DOCK1: variants seen among roughly 807,000 people sequenced by gnomAD.
DOCK1 encodes the protein dedicator of cytokinesis protein 1.
A neutral mutation model predicts 262.7 loss-of-function variants in DOCK1; 138 were observed. The ratio of observed to expected loss-of-function variants is 0.53; its 90% CI spans 0.46 to 0.61. The LOEUF (loss-of-function observed/expected upper bound fraction) is 0.61. Ranked by LOEUF, DOCK1 falls within the 20% of genes least tolerant of loss-of-function variation. The pLI, the probability that DOCK1 is intolerant of heterozygous loss-of-function variation, is 0.00. For missense variants in DOCK1, 1,908 were observed against 2,370.7 expected (o/e 0.80, Z 4.05); for synonymous variants, 866 against 867.4 (o/e 1.00, Z 0.03).
chr10:126,915,673 G>A (rs1010379782), intron 1 of DOCK1, among the ~76,000 whole-genome samples: 2 of 152,126 alleles, frequency 1.3e-5, no homozygotes, highest in Non-Finnish European at 2.9e-5. Flanking sequence ...GGATGGTCTC[G>A]ATCTCCTGAC....
At chr10:127,040,023 CCA>C (rs1407764819) in intron 19 of DOCK1, among the ~76,000 whole-genome samples, 1 of 152,112 alleles carries the variant, frequency 6.6e-6, no homozygotes, top group African/African-American at 2.4e-5. Context: ...ACGTGCAGCT[CCA>C]TCTCCCTGTG....
In DOCK1 at chr10:127,413,699, G is replaced by A. The variant is rs992547456; in HGVS notation, c.4429-1453G>A. The stretch of plus-strand genomic sequence containing the variant: ...CATGTTGACATGAGAGAAAGCACTG[G>A]AATCTGGTCTAGAGGTGGATGTGAG... On this transcript the variant is annotated intron_variant, in intron 43 of 51. Transcript: ENST00000623213. Among the ~76,000 whole-genome samples the A allele has an allele frequency of 3.3e-5, 5 of 152,188 alleles. No individual in the cohort carries two copies. The East Asian group carries it at 5.8e-4, about 18-fold the overall frequency.
At chr10:127,257,790 A>C (rs530133285) in intron 29 of DOCK1, 13 of 170,186 alleles carry the variant, frequency 7.6e-5, no homozygotes, top group Non-Finnish European at 1.4e-4. Flanking sequence ...TCCATGCAAG[A>C]GGCTTTTGCA....
chr10:127,373,557 T>C (rs1426253334), intron 33 of DOCK1, among the ~76,000 whole-genome samples: 1 of 152,120 alleles, frequency 6.6e-6, no homozygotes, highest in African/African-American at 2.4e-5. Flanking sequence ...ACGTGCAGGT[T>C]CAGGCTCCAT....
In DOCK1 at chr10:127,335,907, G is replaced by A. The variant is rs192606170; in HGVS notation, c.3045-3099G>A. On this transcript the variant is annotated intron_variant, in intron 29 of 51. Coordinates refer to ENST00000623213, the MANE Select transcript of DOCK1 (RefSeq NM_001290223.2). ...TTTTTTTGTATTTTTTAGTAGAGAC[G>A]GGGTTTCACCATGTTAGCCAGGATG... 5.5e-4 allele frequency among the ~76,000 whole-genome samples: 84 copies of A among 152,060 alleles called. 1 individual carries two copies. The highest frequency in any genetic ancestry group is 1.7e-3 in the African/African-American group (71 of 41,466).
intron 1 of DOCK1, among the ~76,000 whole-genome samples, chr10:126,925,721 A>AGT (rs1564986606): frequency 1.6e-5 from 2 of 122,252 alleles, no homozygotes. Flanking sequence ...CACATTGCAG[A>AGT]GTCTGTGTGT....
At chr10:127,006,137 G>C (rs536104880) in intron 10 of DOCK1, among the ~76,000 whole-genome samples, 16 of 152,176 alleles carry the variant, frequency 1.1e-4, no homozygotes, top group Non-Finnish European at 2.2e-4. Flanking sequence ...GCCAGCCCCT[G>C]CAGCGGAGTT....
chr10:126,929,134 G>C (rs1191186972), intron 1 of DOCK1, among the ~76,000 whole-genome samples: 2 of 152,238 alleles, frequency 1.3e-5, no homozygotes, highest in Non-Finnish European at 2.9e-5. Context: ...TGCAATCCAG[G>C]ATCAGAGCCT....
chr10:126,926,952 C>T lies in DOCK1; in HGVS notation c.46+21389C>T, dbSNP rs1013112756. Among the ~76,000 whole-genome samples the T allele has an allele frequency of 1.1e-4, 16 of 152,240 alleles. No homozygotes were observed. In the East Asian group the frequency reaches 2.5e-3, roughly 24 times the overall value. ...GCTTTGGTACTTTGTGTGGCAGCCC[C>T]GGGATACTGACACAGTCGTAGAAAT... On this transcript the variant is annotated intron_variant, in intron 1 of 51. Coordinates refer to ENST00000623213, the MANE Select transcript of DOCK1 (RefSeq NM_001290223.2).
At chr10:127,379,650 C>G (rs1299992798) in intron 35 of DOCK1, among the ~76,000 whole-genome samples, 2 of 152,184 alleles carry the variant, frequency 1.3e-5, no homozygotes, top group African/African-American at 4.8e-5. Flanking sequence ...CTTTGTAGCT[C>G]TTGCTGAGGC....
In DOCK1 at chr10:127,175,822, A is replaced by G. The variant is rs1423396236; in HGVS notation, c.2847+48058A>G. ...TCCGGGCTTTTACAGGGCTCTGTGC[A>G]GTTGACCCCCAAAGGCTGGTCCACT... On this transcript the variant is annotated intron_variant, in intron 27 of 51. Transcript: ENST00000623213. The surrounding 1 kb of genome is among the most constrained non-coding windows in gnomAD (Gnocchi z 6.3). 1.9e-6 allele frequency: 3 copies of G among 1,613,922 alleles called. No individual in the cohort carries two copies. In the African/African-American group the frequency reaches 4.0e-5, roughly 22 times the overall value.
intron 49 of DOCK1, among the ~76,000 whole-genome samples, chr10:127,441,161 A>T (rs1460345580): frequency 6.6e-6 from 1 of 152,234 alleles, no homozygotes. Context: ...ATCACAGCTG[A>T]CTTGTGTGAA....
chr10:126,993,581 C>A (rs547859714), intron 6 of DOCK1, among the ~76,000 whole-genome samples: 2 of 152,320 alleles, frequency 1.3e-5, no homozygotes, highest in African/African-American at 4.8e-5. Flanking sequence ...ACTAATGAGA[C>A]CTTAAAATGC....
At chr10:126,961,918 A>G (rs974001316) in intron 1 of DOCK1, among the ~76,000 whole-genome samples, 12,429 of 152,192 alleles carry the variant, frequency 0.082, 651 homozygotes, top group African/African-American at 0.15. Context: ...CAGCTACACC[A>G]TTTTGGAGCC....
chr10:126,996,378 CAAAAAAAAAAA>C (rs55841173), intron 6 of DOCK1, among the ~76,000 whole-genome samples: 1 of 95,576 alleles, frequency 1.0e-5, no homozygotes, highest in African/African-American at 3.9e-5. Context: ...GAGACTGTCT[CAAAAAAAAAAA>C]AAAAAAAAAA....
At chr10:127,103,032 G>T (rs1402952535) in intron 23 of DOCK1, among the ~76,000 whole-genome samples, 3 of 152,128 alleles carry the variant, frequency 2.0e-5, no homozygotes, top group Admixed American at 2.0e-4. Context: ...AGAATGTTAT[G>T]AAAATTGAGT....
At chr10:127,009,850 A>G (rs936803341) in intron 11 of DOCK1, among the ~76,000 whole-genome samples, 2 of 151,742 alleles carry the variant, frequency 1.3e-5, no homozygotes, top group African/African-American at 4.8e-5. Flanking sequence ...ATCCTTGGTG[A>G]TGGACCACCG....
intron 23 of DOCK1, among the ~76,000 whole-genome samples, chr10:127,091,873 C>T (rs896209066): frequency 1.3e-4 from 20 of 152,116 alleles, no homozygotes; most frequent in African/African-American, 4.8e-4. Flanking sequence ...CCTGTGGGGG[C>T]CCATTCATGC....
At chr10:127,042,490 G>C in intron 19 of DOCK1, 135 bp from the exon 20 acceptor site, 1 of 705,054 alleles carries the variant, frequency 1.4e-6, no homozygotes, top group South Asian at 2.1e-5. Context: ...TGGCTGAAAA[G>C]GATCCCGAAT....
Sources: allele counts gnomAD v4.1 joint callset (sites outside exome capture counted in the v4.1 genomes callset), GRCh38; gene constraint gnomAD v4.1.1; non-coding constraint Gnocchi (gnomAD v3.1); transcripts MANE v1.5; gene names NCBI Gene and HGNC (gene_info 2026-07-23, HGNC 2026-07-21).